Variants in FRZB observed in about 807,000 individuals in gnomAD.
The protein encoded by FRZB is secreted frizzled-related protein 3.
In FRZB, 34 loss-of-function variants were observed where a neutral mutation model predicts 32.5. The observed-to-expected ratio is 1.05, with a 90% CI of 0.80 to 1.39. The LOEUF (loss-of-function observed/expected upper bound fraction) is 1.39, where lower values mean the gene tolerates loss of function less well. FRZB is among the 40% of genes most tolerant of loss of function. The pLI, the probability that FRZB is intolerant of heterozygous loss-of-function variation, is 0.00. For synonymous variants in FRZB, 170 were observed against 159.2 expected, an observed-to-expected ratio of 1.07 and a Z score of -0.51; for missense variants, 423 against 424.8, an observed-to-expected ratio of 1.00 and a Z score of 0.04.
chr2:182,849,038 TAAC>T (rs1695680074), intron 2 of FRZB, among the ~76,000 whole-genome samples: 1 of 152,032 alleles, frequency 6.6e-6, no homozygotes, highest in Non-Finnish European at 1.5e-5. Flanking sequence ...CCATCCTGGC[TAAC>T]ACGGTGAAAC....
At chr2:182,858,919 G>T in intron 1 of FRZB, 86 bp from the exon 2 acceptor site, 2 of 1,128,788 alleles carry the variant, frequency 1.8e-6, no homozygotes, top group South Asian at 1.3e-5. Context: ...TCACAAGTTT[G>T]ATTTGGGTAA....
At chr2:182,842,076 T>G (rs75466155) in intron 3 of FRZB, among the ~76,000 whole-genome samples, 7,937 of 152,190 alleles carry the variant, frequency 0.052, 271 homozygotes, top group Middle Eastern at 0.078. Context: ...CAAGTTTGAG[T>G]CTTTTAACAG....
intron 1 of FRZB, among the ~76,000 whole-genome samples, chr2:182,860,486 G>A (rs1391847859): frequency 2.0e-5 from 3 of 152,116 alleles, no homozygotes; most frequent in African/African-American, 7.2e-5. Flanking sequence ...TAGCATTAGA[G>A]AGGGAGAGAA....
intron 2 of FRZB, among the ~76,000 whole-genome samples, chr2:182,843,697 G>C (rs956274576): frequency 6.6e-6 from 1 of 152,098 alleles, no homozygotes; most frequent in Admixed American, 6.6e-5. Flanking sequence ...CCAACATGGT[G>C]GGGGAAAAAA....
At chr2:182,836,076 C>T (rs73977802) in intron 5 of FRZB, among the ~76,000 whole-genome samples, 30,058 of 151,908 alleles carry the variant, frequency 0.2, 3,490 homozygotes, top group East Asian at 0.46. Context: ...TTTCAGTATT[C>T]TTTACTCCAC....
chr2:182,842,399 A>AT, intron 3 of FRZB, 79 bp downstream of exon 3: 1 of 979,776 alleles, frequency 1.0e-6, no homozygotes, highest in Non-Finnish European at 1.6e-6. Flanking sequence ...ACTCGTTTAC[A>AT]TGTGCACATC....
chr2:182,837,044 G>A (rs988795575), intron 5 of FRZB, among the ~76,000 whole-genome samples: 4 of 151,998 alleles, frequency 2.6e-5, no homozygotes, highest in African/African-American at 9.7e-5. Flanking sequence ...GCAGAAGGAA[G>A]AGGATGTATT....
chr2:182,848,208 G>A (rs1695667876), intron 2 of FRZB, among the ~76,000 whole-genome samples: 1 of 152,142 alleles, frequency 6.6e-6, no homozygotes, highest in Non-Finnish European at 1.5e-5. Flanking sequence ...GAAAGGCCCA[G>A]AACTGCTCAT....
intron 5 of FRZB, among the ~76,000 whole-genome samples, chr2:182,836,169 G>T (rs1470334219): frequency 6.6e-6 from 1 of 151,740 alleles, no homozygotes; most frequent in Non-Finnish European, 1.5e-5. Flanking sequence ...TGCTATAAGA[G>T]ACTTAGGTAA....
chr2:182,850,071 T>C (rs1363712418), intron 2 of FRZB, among the ~76,000 whole-genome samples: 1 of 152,256 alleles, frequency 6.6e-6, no homozygotes, highest in Non-Finnish European at 1.5e-5. Flanking sequence ...TTGGCACATA[T>C]TGTGCCTGAT....
intron 1 of FRZB, among the ~76,000 whole-genome samples, chr2:182,859,554 C>T (rs1286481156): frequency 1.3e-5 from 2 of 152,076 alleles, no homozygotes; most frequent in African/African-American, 4.8e-5. Context: ...TATTGACACT[C>T]CAATTTAGTA....
At chr2:182,844,871 T>C (rs1487694145) in intron 2 of FRZB, among the ~76,000 whole-genome samples, 1 of 152,196 alleles carries the variant, frequency 6.6e-6, no homozygotes, top group East Asian at 1.9e-4. Context: ...TCATCTGCAA[T>C]ATACTTCTTA....
At chr2:182,857,720 CA>C (rs1695785368) in intron 2 of FRZB, among the ~76,000 whole-genome samples, 1 of 151,144 alleles carries the variant, frequency 6.6e-6, no homozygotes, top group African/African-American at 2.4e-5. Flanking sequence ...AGGAAATAAT[CA>C]ATAAAATTGA....
At chr2:182,860,693 C>T (rs886624666) in intron 1 of FRZB, among the ~76,000 whole-genome samples, 3 of 152,036 alleles carry the variant, frequency 2.0e-5, no homozygotes, top group African/African-American at 7.2e-5. Context: ...ATGGCGAAAA[C>T]CCATCTCTAA....
chr2:182,836,835 G>A (rs1048811929), intron 5 of FRZB, among the ~76,000 whole-genome samples: 4 of 152,022 alleles, frequency 2.6e-5, no homozygotes, highest in Non-Finnish European at 5.9e-5. Context: ...AACTTGAAAT[G>A]CATCTCCCTT....
chr2:182,857,300 G>A (rs1695779700), intron 2 of FRZB, among the ~76,000 whole-genome samples: 1 of 152,050 alleles, frequency 6.6e-6, no homozygotes, highest in Non-Finnish European at 1.5e-5. Flanking sequence ...TTCTTAGATG[G>A]GTATTTATAG....
rs1272392338 is a variant in FRZB at position 182,858,662 on chromosome 2, A to AT, written c.526+123dup. On this transcript the variant is annotated intron_variant, in intron 2 of 5. Coordinates refer to ENST00000295113, the MANE Select transcript of FRZB (RefSeq NM_001463.4). ...AAATAAAATTAATATAAATGAGGGA[A>AT]TTTTAAAAAGTTTACTTGTAAAATG... is the stretch of plus-strand genomic sequence containing the variant. 6.3e-6 allele frequency: 4 copies of AT among 638,660 alleles called. No homozygotes were observed. In the East Asian group the frequency reaches 1.1e-4, roughly 17 times the overall value. The allele number at this position is 638,660 out of a possible 1,614,324, so 39.6% of individuals were successfully genotyped here.
At position 182,866,221 on chromosome 2, in the gene FRZB, A is replaced by G. The variant is rs952560799; in HGVS notation, c.332T>C (p.Val111Ala). 6.2e-6 allele frequency: 10 copies of G among 1,614,170 alleles called. No homozygotes were observed. Among genetic ancestry groups the G allele is most frequent in the Non-Finnish European group, 8.5e-6 (10 of 1,180,028 alleles). Residue 111 changes from valine (V) to alanine (A), a missense_variant, in exon 1 of 6, where the codon GTG becomes GCG. Physicochemically the swap from Val to Ala is moderately conservative, Grantham distance 64. Transcript: ENST00000295113. The surrounding 1 kb of genome is among the most constrained non-coding windows in gnomAD (Gnocchi z 4.5). ...ACAGCCCTGCCGGGCCCGCTCGCAC[A>G]CAGACTTACAGGGCTTGATGGGCTC... ...QHEPIKPCKS[V>A]CERARQGCEP...
chr2:182,857,773 G>GT lies in FRZB; in HGVS notation c.526+1012dup, dbSNP rs1323226862. 1.1e-4 allele frequency among the ~76,000 whole-genome samples: 16 copies of GT among 152,078 alleles called. No individual in the cohort carries two copies. The East Asian group carries it at 2.1e-3, about 20-fold the overall frequency. ...GAGAAAATGAATAAAACCAAAAGAT[G>GT]TTTTTTGTATCCAGAATATGTAAAG... On this transcript the variant is annotated intron_variant, in intron 2 of 5. Transcript: ENST00000295113.
Sources: gnomAD v4.1 joint callset for allele counts (sites outside exome capture counted in the v4.1 genomes callset) on GRCh38, gnomAD v4.1.1 for gene constraint, Gnocchi (gnomAD v3.1) non-coding constraint, MANE v1.5 for transcripts, NCBI Gene and HGNC (gene_info 2026-07-23, HGNC 2026-07-21) for gene names.